The following CDK5RAP2 variants were observed in gnomAD, a reference collection of about 807,000 sequenced individuals.
CDK5RAP2 encodes CDK5 regulatory subunit-associated protein 2.
Under a neutral mutation model 232.9 loss-of-function variants are expected in CDK5RAP2, and 147 were observed. The ratio of observed to expected loss-of-function variants is 0.63; its 90% CI spans 0.55 to 0.72. The LOEUF (loss-of-function observed/expected upper bound fraction) is 0.72, where lower values mean the gene tolerates loss of function less well. CDK5RAP2 is among the 30% of genes least tolerant of loss of function. The pLI, the probability that CDK5RAP2 is intolerant of heterozygous loss-of-function variation, is 0.00. For synonymous variants in CDK5RAP2, 833 were observed against 833.7 expected (o/e 1.00, Z 0.01); for missense variants, 2,195 against 2,231.5 (o/e 0.98, Z 0.33).
intron 1 of CDK5RAP2, among the ~76,000 whole-genome samples, chr9:120,579,002 C>A (rs1416238375): frequency 6.6e-6 from 1 of 152,164 alleles, no homozygotes; most frequent in Non-Finnish European, 1.5e-5. Context: ...CAGGGCTCTC[C>A]TCCTCTTCCC....
At chr9:120,534,948 A>G (rs1003600574) in intron 7 of CDK5RAP2, among the ~76,000 whole-genome samples, 2 of 152,212 alleles carry the variant, frequency 1.3e-5, no homozygotes, top group African/African-American at 4.8e-5. Flanking sequence ...TAGTGGCTCC[A>G]TGGGTGATGC....
chr9:120,517,401 C>G (rs1335279338), intron 12 of CDK5RAP2, among the ~76,000 whole-genome samples: 1 of 152,126 alleles, frequency 6.6e-6, no homozygotes, highest in Non-Finnish European at 1.5e-5. Flanking sequence ...TTTGAGTCCT[C>G]TACTCTAATG....
At chr9:120,390,058 G>T in intron 36 of CDK5RAP2, 1 of 463,586 alleles carries the variant, frequency 2.2e-6, no homozygotes. Context: ...TGCTATGCCG[G>T]TTCAGAGAAC....
chr9:120,548,649 A>G (rs1237128921), intron 4 of CDK5RAP2, among the ~76,000 whole-genome samples: 1 of 152,024 alleles, frequency 6.6e-6, no homozygotes, highest in African/African-American at 2.4e-5. Flanking sequence ...CTCTACAAAA[A>G]GCAAAAATTT....
At chr9:120,578,424 T>C (rs1006403025) in intron 1 of CDK5RAP2, among the ~76,000 whole-genome samples, 3 of 152,056 alleles carry the variant, frequency 2.0e-5, no homozygotes, top group Non-Finnish European at 4.4e-5. Flanking sequence ...CAGGACCCAA[T>C]TAGACAGGAA....
chr9:120,511,541 T>C (rs1427205457), intron 12 of CDK5RAP2, among the ~76,000 whole-genome samples: 1 of 152,168 alleles, frequency 6.6e-6, no homozygotes, highest in African/African-American at 2.4e-5. Context: ...CAAAGTACTC[T>C]TTATAAAAGC....
chr9:120,552,655 G>GAC (rs1443005586), intron 3 of CDK5RAP2, among the ~76,000 whole-genome samples: 1 of 137,276 alleles, frequency 7.3e-6, no homozygotes, highest in Non-Finnish European at 1.5e-5. Context: ...AGAACACATG[G>GAC]ACACAGGAAG....
Position 120,404,132 on chromosome 9 carries a change from G to A in CDK5RAP2, c.4964-19C>T, listed in dbSNP as rs753625270. On this transcript the variant is annotated intron_variant, in intron 32 of 37. Transcript: ENST00000349780. Reference sequence around the variant, plus strand: ...TCACCATCTACAAAATGCAAAACACGAGAACTGTTAGTTTCACTGTTGTCA... The same window carrying A: ...TCACCATCTACAAAATGCAAAACACAAGAACTGTTAGTTTCACTGTTGTCA... 7.9e-6 allele frequency: 12 copies of A among 1,516,252 alleles called. No homozygotes were observed. Among genetic ancestry groups the A allele is most frequent in the African/African-American group, 4.1e-5 (3 of 72,948 alleles). The allele number at this position is 1,516,252 out of a possible 1,614,324, so 93.9% of individuals were successfully genotyped here.
intron 25 of CDK5RAP2, among the ~76,000 whole-genome samples, chr9:120,427,800 T>C (rs1327992843): frequency 6.6e-6 from 1 of 152,138 alleles, no homozygotes; most frequent in Non-Finnish European, 1.5e-5. Context: ...CAACAGAATA[T>C]ACATTTTTTT....
intron 3 of CDK5RAP2, among the ~76,000 whole-genome samples, chr9:120,565,179 C>T (rs907930633): frequency 1.3e-5 from 2 of 152,230 alleles, no homozygotes; most frequent in Non-Finnish European, 2.9e-5. Context: ...TGAATAAGTC[C>T]CTACCCCTGT....
At chr9:120,422,896 C>T (rs1238873742) in intron 25 of CDK5RAP2, among the ~76,000 whole-genome samples, 155 bp from the exon 26 acceptor site, 1 of 152,222 alleles carries the variant, frequency 6.6e-6, no homozygotes, top group African/African-American at 2.4e-5. Context: ...ACCAAGAGTA[C>T]AATTCAGACT....
At chr9:120,541,327 T>C (rs1417254995) in intron 5 of CDK5RAP2, among the ~76,000 whole-genome samples, 1 of 152,238 alleles carries the variant, frequency 6.6e-6, no homozygotes. Flanking sequence ...AAGAGGCTGA[T>C]TACAATTTTT....
intron 31 of CDK5RAP2, 173 bp downstream of exon 31, chr9:120,408,174 G>T: frequency 1.3e-6 from 1 of 788,476 alleles, no homozygotes; most frequent in Non-Finnish European, 2.2e-6. Flanking sequence ...TATGTTTCCT[G>T]CTGTTCCTTC....
chr9:120,511,725 T>C (rs1430357636), intron 12 of CDK5RAP2, among the ~76,000 whole-genome samples: 3 of 149,056 alleles, frequency 2.0e-5, no homozygotes, highest in African/African-American at 7.4e-5. Context: ...GTGAAGGATA[T>C]CACAACATGC....
In CDK5RAP2 at chr9:120,571,970, T is replaced by C; in HGVS notation, c.127+4A>G. 6.2e-7 allele frequency: 1 copy of C among 1,611,856 alleles called. No homozygotes were observed. The highest frequency in any genetic ancestry group is 8.5e-7 in the Non-Finnish European group (1 of 1,177,914). On this transcript the variant is annotated splice_donor_region_variant and intron_variant, in intron 2 of 37. Transcript: ENST00000349780. The stretch of plus-strand genomic sequence containing the variant: ...CAAGAGAATGCCTGGTTTTGTGTAC[T>C]TACGACCATTTCCCAACCCAGCATT...
chr9:120,395,498 T>G (rs931442944), intron 35 of CDK5RAP2, among the ~76,000 whole-genome samples: 1 of 152,232 alleles, frequency 6.6e-6, no homozygotes, highest in Non-Finnish European at 1.5e-5. Context: ...GTGACATACA[T>G]GCACGGCGGA....
At chr9:120,559,435 C>T (rs1485174612) in intron 3 of CDK5RAP2, among the ~76,000 whole-genome samples, 3 of 144,104 alleles carry the variant, frequency 2.1e-5, no homozygotes, top group African/African-American at 5.2e-5. Context: ...TGCAGTGAGC[C>T]GAGATCAGGC....
At chr9:120,451,721 T>C (rs1281940276) in intron 21 of CDK5RAP2, among the ~76,000 whole-genome samples, 1 of 152,090 alleles carries the variant, frequency 6.6e-6, no homozygotes, top group Non-Finnish European at 1.5e-5. Context: ...TTTATATCCC[T>C]GTCACTCCAC....
intron 3 of CDK5RAP2, among the ~76,000 whole-genome samples, chr9:120,552,845 TA>T (rs879718096): frequency 1.8e-3 from 253 of 142,564 alleles, no homozygotes; most frequent in Admixed American, 1.8e-3. Flanking sequence ...AAGTTTAATT[TA>T]AAAAAAAAAA....
Sources: gnomAD v4.1 joint callset for allele counts (sites outside exome capture counted in the v4.1 genomes callset) on GRCh38, gnomAD v4.1.1 for gene constraint, MANE v1.5 for transcripts, NCBI Gene and HGNC (gene_info 2026-07-23, HGNC 2026-07-21) for gene names.